Variants in SYNDIG1 observed in about 807,000 individuals in gnomAD.
SYNDIG1 encodes synapse differentiation-inducing gene protein 1.
Under a neutral mutation model 19.4 loss-of-function variants are expected in SYNDIG1, and 9 were observed. That is an observed-to-expected ratio of 0.46 (90% CI 0.28 to 0.81). The LOEUF (loss-of-function observed/expected upper bound fraction) is 0.81. SYNDIG1 is among the 30% of genes least tolerant of loss of function. The probability of loss-of-function intolerance (pLI) is 0.12; values close to 1 mark genes in which losing one functional copy is unlikely to be tolerated. For synonymous variants in SYNDIG1, 141 were observed against 145.9 expected (o/e 0.97, Z 0.24); for missense variants, 311 against 343.3 (o/e 0.91, Z 0.74).
At chr20:24,595,689 G>A (rs969206553) in intron 3 of SYNDIG1, among the ~76,000 whole-genome samples, 4 of 152,084 alleles carry the variant, frequency 2.6e-5, no homozygotes, top group Non-Finnish European at 4.4e-5. Flanking sequence ...GCCTTTTCAG[G>A]GGTTCAATTT....
chr20:24,620,558 G>C (rs906349330), intron 3 of SYNDIG1, among the ~76,000 whole-genome samples: 4 of 152,220 alleles, frequency 2.6e-5, no homozygotes, highest in Admixed American at 6.5e-5. Flanking sequence ...CATCAAGGTG[G>C]AGCACAAGAT....
intron 3 of SYNDIG1, among the ~76,000 whole-genome samples, chr20:24,629,037 C>T (rs1320629119): frequency 2.0e-5 from 3 of 152,236 alleles, no homozygotes; most frequent in South Asian, 2.1e-4. Flanking sequence ...TATCTGTCCA[C>T]GTTAGCCCCA....
intron 2 of SYNDIG1, among the ~76,000 whole-genome samples, chr20:24,565,886 G>T (rs1057394768): frequency 6.6e-6 from 1 of 152,020 alleles, no homozygotes; most frequent in African/African-American, 2.4e-5. Flanking sequence ...CCCTTCACTT[G>T]GCTGGCTTCT....
Position 24,583,183 on chromosome 20 carries a change from C to T in SYNDIG1, c.481-1673C>T, listed in dbSNP as rs1213643232. Among the ~76,000 whole-genome samples the T allele has an allele frequency of 2.0e-5, 3 of 152,322 alleles. No individual in the cohort carries two copies. In the East Asian group the frequency reaches 5.8e-4, roughly 29 times the overall value. On this transcript the variant is annotated intron_variant, in intron 2 of 3. Coordinates refer to ENST00000376862, the MANE Select transcript of SYNDIG1 (RefSeq NM_024893.3). ...AAAGGGAGCCGTGGTCACCTGTGGG[C>T]CTTCCCAGCTTCTGCTAGTAAGGAG...
chr20:24,642,129 T>C (rs922566792), intron 3 of SYNDIG1, among the ~76,000 whole-genome samples: 3 of 152,260 alleles, frequency 2.0e-5, no homozygotes, highest in African/African-American at 7.2e-5. Flanking sequence ...CATTTAGTAG[T>C]TGTGCCTCCT....
chr20:24,642,965 T>G (rs1296200738), intron 3 of SYNDIG1, among the ~76,000 whole-genome samples: 1 of 152,204 alleles, frequency 6.6e-6, no homozygotes, highest in Non-Finnish European at 1.5e-5. Context: ...GTTAGTTGCA[T>G]TTTAATGGCA....
intron 2 of SYNDIG1, among the ~76,000 whole-genome samples, chr20:24,572,506 C>T (rs1209816747): frequency 2.0e-5 from 3 of 152,224 alleles, no homozygotes; most frequent in African/African-American, 4.8e-5. Flanking sequence ...CTGCCTGGAA[C>T]TCTTGAGAGC....
chr20:24,487,799 G>A (rs1232416285), intron 1 of SYNDIG1, among the ~76,000 whole-genome samples: 1 of 152,126 alleles, frequency 6.6e-6, no homozygotes, highest in Non-Finnish European at 1.5e-5. Flanking sequence ...CACAGCTCCC[G>A]TCAAGAAGAG....
Position 24,565,782 on chromosome 20 carries a change from C to T in SYNDIG1, c.481-19074C>T, listed in dbSNP as rs545500972. 2.8e-4 allele frequency among the ~76,000 whole-genome samples: 42 copies of T among 152,302 alleles called. 1 individual carries two copies. The highest frequency in any genetic ancestry group is 9.9e-4 in the African/African-American group (41 of 41,564). ...TCCCCCGCTTCACAGCCCTGAGTCT[C>T]AGCCCCTTTTTCAACTTCTCAACCA... On this transcript the variant is annotated intron_variant, in intron 2 of 3. Transcript: ENST00000376862.
intron 1 of SYNDIG1, among the ~76,000 whole-genome samples, chr20:24,531,099 C>A (rs182548757): frequency 8.8e-4 from 134 of 152,236 alleles, no homozygotes; most frequent in Non-Finnish European, 1.7e-3. Flanking sequence ...TGTGAGCCAC[C>A]GTGCCTGGCC....
chr20:24,650,122 G>T (rs2059455521), intron 3 of SYNDIG1, among the ~76,000 whole-genome samples: 1 of 152,160 alleles, frequency 6.6e-6, no homozygotes. Flanking sequence ...ACTGGGTGTG[G>T]TTCAGAAAGC....
At chr20:24,596,185 C>T (rs1057376058) in intron 3 of SYNDIG1, among the ~76,000 whole-genome samples, 9 of 152,096 alleles carry the variant, frequency 5.9e-5, no homozygotes, top group Non-Finnish European at 1.0e-4. Flanking sequence ...CAAAGAATTC[C>T]TTGATTTCTG....
Position 24,603,022 on chromosome 20 carries a change from G to A in SYNDIG1, c.618+18029G>A, listed in dbSNP as rs117487641. On this transcript the variant is annotated intron_variant, in intron 3 of 3. Coordinates refer to ENST00000376862, the MANE Select transcript of SYNDIG1 (RefSeq NM_024893.3). ...AATGAGGAGTGTCAGGACATGGGACGAAGGCCATACAGCTCACTCCAATGC... is the reference window on the plus strand; with the variant it reads ...AATGAGGAGTGTCAGGACATGGGACAAAGGCCATACAGCTCACTCCAATGC... 7.0e-4 allele frequency among the ~76,000 whole-genome samples: 106 copies of A among 152,244 alleles called. No individual in the cohort carries two copies. In the East Asian group the frequency reaches 0.016, roughly 24 times the overall value.
intron 1 of SYNDIG1, among the ~76,000 whole-genome samples, chr20:24,470,552 A>G (rs995264982): frequency 6.6e-6 from 1 of 151,816 alleles, no homozygotes; most frequent in Non-Finnish European, 1.5e-5. Context: ...CCTAGTCGTG[A>G]TTTCTGCCTC....
chr20:24,565,112 C>T (rs2058021140), intron 2 of SYNDIG1, among the ~76,000 whole-genome samples: 1 of 152,150 alleles, frequency 6.6e-6, no homozygotes, highest in Admixed American at 6.5e-5. Context: ...CTCAAATTCC[C>T]ATGTAGGCAA....
intron 3 of SYNDIG1, among the ~76,000 whole-genome samples, chr20:24,616,809 C>T (rs1406410756): frequency 6.6e-6 from 1 of 152,206 alleles, no homozygotes; most frequent in Non-Finnish European, 1.5e-5. Flanking sequence ...GGCTGCTCCT[C>T]ATAAGGTATG....
chr20:24,585,108 G>A, intron 3 of SYNDIG1, 115 bp downstream of exon 3: 3 of 1,372,856 alleles, frequency 2.2e-6, no homozygotes, highest in Non-Finnish European at 3.0e-6. Context: ...TCCTGCTACA[G>A]CTGGGTCGGC....
In SYNDIG1 at chr20:24,596,706, C is replaced by T. The variant is rs187793061; in HGVS notation, c.618+11713C>T. On this transcript the variant is annotated intron_variant, in intron 3 of 3. Transcript: ENST00000376862. ...CAAACCTTTTCTTACACTCCTGACT[C>T]GTGGTGTTTTACCTACAAGTTGTTT... 4.7e-3 allele frequency: 714 copies of T among 152,378 alleles called. 5 individuals carry two copies. Among genetic ancestry groups the T allele is most frequent in the Non-Finnish European group, 7.4e-3 (505 of 68,120 alleles). The allele number at this position is 152,378 out of a possible 1,614,324, so 9.4% of individuals were successfully genotyped here.
At chr20:24,632,049 C>T (rs1425219426) in intron 3 of SYNDIG1, among the ~76,000 whole-genome samples, 1 of 152,120 alleles carries the variant, frequency 6.6e-6, no homozygotes, top group African/African-American at 2.4e-5. Flanking sequence ...ATCCTCTGCT[C>T]CTAACTTCAG....
Sources: allele counts gnomAD v4.1 joint callset (sites outside exome capture counted in the v4.1 genomes callset), GRCh38; gene constraint gnomAD v4.1.1; transcripts MANE v1.5; gene names NCBI Gene and HGNC (gene_info 2026-07-23, HGNC 2026-07-21).